FHIT: variants seen among roughly 807,000 people sequenced by gnomAD.
The protein encoded by FHIT is fragile histidine triad diadenosine triphosphatase, also known as bis(5'-adenosyl)-triphosphatase.
In FHIT, 19 loss-of-function variants were observed where a neutral mutation model predicts 17.9. The observed-to-expected ratio is 1.06, with a 90% CI of 0.74 to 1.56. The LOEUF (loss-of-function observed/expected upper bound fraction) is 1.56, where lower values mean the gene tolerates loss of function less well. Ranked by LOEUF, FHIT falls within the 40% of genes most tolerant of loss-of-function variation. The pLI is 0.00. For synonymous variants in FHIT, 81 were observed against 69.7 expected (o/e 1.16, Z -0.81); for missense variants, 248 against 189.2 (o/e 1.31, Z -1.82).
At chr3:60,096,484 G>A (rs1703954395) in intron 5 of FHIT, among the ~76,000 whole-genome samples, 1 of 152,182 alleles carries the variant, frequency 6.6e-6, no homozygotes, top group African/African-American at 2.4e-5. Flanking sequence ...TGGGTCGCAG[G>A]TTTCATCCAG....
At chr3:60,484,188 G>C (rs548415404) in intron 5 of FHIT, among the ~76,000 whole-genome samples, 21 of 151,494 alleles carry the variant, frequency 1.4e-4, no homozygotes, top group Middle Eastern at 3.4e-3. Flanking sequence ...AAACAAATTG[G>C]ACAACCTTCC....
intron 7 of FHIT, among the ~76,000 whole-genome samples, chr3:59,936,363 G>T (rs1282461883): frequency 6.6e-6 from 1 of 152,092 alleles, no homozygotes; most frequent in African/African-American, 2.4e-5. Context: ...GGATTTGGAT[G>T]CAAATGAAAC....
intron 5 of FHIT, among the ~76,000 whole-genome samples, chr3:60,312,998 GAT>G (rs1380250584): frequency 6.6e-6 from 1 of 152,168 alleles, no homozygotes; most frequent in African/African-American, 2.4e-5. Context: ...GATTCAGGTT[GAT>G]ATGATTTCCC....
intron 5 of FHIT, among the ~76,000 whole-genome samples, chr3:60,158,775 T>C (rs1700815678): frequency 6.6e-6 from 1 of 152,180 alleles, no homozygotes; most frequent in African/African-American, 2.4e-5. Context: ...AGATATCCAA[T>C]CATAAAATTA....
chr3:59,855,751 C>A (rs1173223629), intron 8 of FHIT, among the ~76,000 whole-genome samples: 1 of 150,858 alleles, frequency 6.6e-6, no homozygotes, highest in Non-Finnish European at 1.5e-5. Context: ...AAAGTAGATT[C>A]TTTGATAAAA....
intron 5 of FHIT, among the ~76,000 whole-genome samples, chr3:60,281,371 G>C (rs575073683): frequency 2.6e-5 from 4 of 152,180 alleles, no homozygotes; most frequent in East Asian, 3.9e-4. Flanking sequence ...TCAAGATCCA[G>C]AATAGCCAAT....
chr3:60,416,975 G>A (rs986034259), intron 5 of FHIT, among the ~76,000 whole-genome samples: 1 of 151,886 alleles, frequency 6.6e-6, no homozygotes, highest in Admixed American at 6.6e-5. Flanking sequence ...TGTAGTCCCA[G>A]CTACTCGGGA....
intron 8 of FHIT, among the ~76,000 whole-genome samples, chr3:59,763,016 C>T (rs532644524): frequency 6.6e-6 from 1 of 152,186 alleles, no homozygotes; most frequent in African/African-American, 2.4e-5. Context: ...ATTTCCTTGG[C>T]CAGTCATGTT....
At chr3:60,231,096 A>G (rs1220957901) in intron 5 of FHIT, among the ~76,000 whole-genome samples, 1 of 152,220 alleles carries the variant, frequency 6.6e-6, no homozygotes, top group Non-Finnish European at 1.5e-5. Context: ...TTGGTCAAAT[A>G]CGCCAATAAA....
At chr3:60,081,281 A>C (rs1161110379) in intron 5 of FHIT, among the ~76,000 whole-genome samples, 1 of 152,050 alleles carries the variant, frequency 6.6e-6, no homozygotes, top group African/African-American at 2.4e-5. Context: ...GTGGTTCTGC[A>C]TATTAAAATT....
chr3:60,323,107 A>G (rs991254924), intron 5 of FHIT, among the ~76,000 whole-genome samples: 4 of 152,102 alleles, frequency 2.6e-5, no homozygotes, highest in Non-Finnish European at 5.9e-5. Flanking sequence ...ACACAGAGGC[A>G]AAATATATAA....
chr3:60,533,095 C>A (rs959746227), intron 5 of FHIT, among the ~76,000 whole-genome samples: 2 of 152,220 alleles, frequency 1.3e-5, no homozygotes, highest in Non-Finnish European at 2.9e-5. Context: ...CTTCTCCCAT[C>A]TGCCATCAAT....
Position 60,890,221 on chromosome 3 carries a change from T to TAAAAAAAAAAAAAAAA in FHIT, c.-110-68226_-110-68211dup, listed in dbSNP as rs59950717. The stretch of plus-strand genomic sequence containing the variant: ...TTCCAAAAAATTAGCTTCCATGATG[T>TAAAAAAAAAAAAAAAA]AAAAAAAAAAAAAAAAAAAAAAAAA... On this transcript the variant is annotated intron_variant, in intron 3 of 9. Coordinates refer to ENST00000492590, the MANE Select transcript of FHIT (RefSeq NM_002012.4). Among the ~76,000 whole-genome samples, 120 of 115,622 alleles carry TAAAAAAAAAAAAAAAA rather than the reference T, an allele frequency of 1.0e-3. 1 individual carries two copies. The highest frequency in any genetic ancestry group is 3.9e-3 in the African/African-American group (103 of 26,398). The allele number at this position is 115,622 out of a possible 152,430, so 75.9% of individuals were successfully genotyped here.
intron 4 of FHIT, among the ~76,000 whole-genome samples, chr3:60,654,316 G>A (rs1291994122): frequency 1.3e-5 from 2 of 152,016 alleles, no homozygotes; most frequent in African/African-American, 2.4e-5. Flanking sequence ...AAATCAGAAG[G>A]CAAATTAGAA....
intron 5 of FHIT, among the ~76,000 whole-genome samples, chr3:60,111,796 C>T (rs543018755): frequency 5.3e-5 from 8 of 152,284 alleles, no homozygotes; most frequent in African/African-American, 1.2e-4. Flanking sequence ...ATCCACATAC[C>T]GAGCCTTCTG....
Position 60,123,997 on chromosome 3 carries a change from T to C in FHIT, c.104-109845A>G, listed in dbSNP as rs369696181. Among the ~76,000 whole-genome samples the C allele has an allele frequency of 3.0e-3, 103 of 33,938 alleles. 1 individual carries two copies. The highest frequency in any genetic ancestry group is 0.012 in the African/African-American group (100 of 8,612). 22.3% of individuals were successfully genotyped at this position (33,938 alleles called of 152,430 possible). On this transcript the variant is annotated intron_variant, in intron 5 of 9. Coordinates refer to ENST00000492590, the MANE Select transcript of FHIT (RefSeq NM_002012.4). ...ATATATATATATATATATATATATA[T>C]ATATATATATATAGAGAGAGAGAGA...
rs557722897 is a variant in FHIT, at chr3:61,059,987, T to G, written c.-163-17888A>C. Among the ~76,000 whole-genome samples, 13 of 152,158 alleles carry G rather than the reference T, an allele frequency of 8.5e-5. No homozygotes were observed. The South Asian group carries it at 2.7e-3, about 32-fold the overall frequency. ...TACATGGTCCCCATCTTAGTGAGTATGAGTGTGTGTGTGTAGGTGTGTAGG... is the reference window on the plus strand; with the variant it reads ...TACATGGTCCCCATCTTAGTGAGTAGGAGTGTGTGTGTGTAGGTGTGTAGG... On this transcript the variant is annotated intron_variant, in intron 2 of 9. Transcript: ENST00000492590.
rs960165547 is a variant in FHIT, at chr3:59,911,779, G to A, written c.348+10567C>T. On this transcript the variant is annotated intron_variant, in intron 8 of 9. Transcript: ENST00000492590. ...CCAAGAAGTGGGGAGACTTGCAGCT[G>A]ATAAAGGAAAGCCACGGACCTGAGG... 2.0e-5 allele frequency among the ~76,000 whole-genome samples: 3 copies of A among 152,322 alleles called. No individual in the cohort carries two copies. In the East Asian group the frequency reaches 5.8e-4, roughly 29 times the overall value.
intron 2 of FHIT, among the ~76,000 whole-genome samples, chr3:61,088,910 C>A (rs571220428): frequency 3.3e-5 from 5 of 152,112 alleles, no homozygotes; most frequent in Middle Eastern, 3.4e-3. Flanking sequence ...TGAAGTACTG[C>A]AAGTGTGGGA....
Sources: allele counts gnomAD v4.1 joint callset (sites outside exome capture counted in the v4.1 genomes callset), GRCh38; gene constraint gnomAD v4.1.1; transcripts MANE v1.5; gene names NCBI Gene and HGNC (gene_info 2026-07-23, HGNC 2026-07-21).